Variants in LARGE1 observed in about 807,000 individuals in gnomAD.
The protein encoded by LARGE1 is LARGE xylosyl- and glucuronyltransferase 1.
A neutral mutation model predicts 87.6 loss-of-function variants in LARGE1; 43 were observed. The ratio of observed to expected loss-of-function variants is 0.49; its 90% CI spans 0.38 to 0.63. The LOEUF is 0.63. LARGE1 is among the 30% of genes least tolerant of loss of function. LARGE1 has a pLI of 0.00. For missense variants in LARGE1, 802 were observed against 1,000.2 expected (o/e 0.80, Z 2.67); for synonymous variants, 434 against 394.6 (o/e 1.10, Z -1.18).
intron 1 of LARGE1, among the ~76,000 whole-genome samples, chr22:33,829,143 G>A (rs922713765): frequency 2.0e-5 from 3 of 151,186 alleles, no homozygotes; most frequent in Admixed American, 2.0e-4. Flanking sequence ...CTAGTAGCTG[G>A]GATTACAGGC....
At chr22:33,081,205 T>G in the LARGE1 span, among the ~76,000 whole-genome samples, 2 of 152,238 alleles carry the variant, frequency 1.3e-5, no homozygotes. Flanking sequence ...GCTGGCACCT[T>G]GATCTTGGAC....
At chr22:33,285,363 C>T (rs1448018656) in intron 12 of LARGE1, among the ~76,000 whole-genome samples, 1 of 152,184 alleles carries the variant, frequency 6.6e-6, no homozygotes, top group Admixed American at 6.5e-5. Context: ...TGGTGGCTCA[C>T]GCCTGTAATC....
At chr22:33,840,565 T>G (rs1189512388) in intron 1 of LARGE1, among the ~76,000 whole-genome samples, 2 of 152,198 alleles carry the variant, frequency 1.3e-5, no homozygotes, top group Non-Finnish European at 2.9e-5. Flanking sequence ...ATTTTACCAC[T>G]TTTAAAGTAC....
rs1928499220 is a variant in LARGE1, at chr22:33,273,270, G to A, written c.*1157C>T. The A allele has an allele frequency of 2.5e-6, 1 of 397,910 alleles. No individual in the cohort carries two copies. Among genetic ancestry groups the A allele is most frequent in the South Asian group, 1.4e-4 (1 of 7,026 alleles). 24.6% of individuals were successfully genotyped at this position (397,910 alleles called of 1,614,324 possible). ...CTCCTCAATCTGTGTGAAGGTGAAG[G>A]TGGTTGCCTACCCTTGGACAGGTCC... On this transcript the variant is annotated 3_prime_UTR_variant, in exon 15 of 15. Coordinates refer to ENST00000397394, the MANE Select transcript of LARGE1 (RefSeq NM_133642.5).
intron 11 of LARGE1, among the ~76,000 whole-genome samples, chr22:33,224,896 T>G (rs1925654965): frequency 6.6e-6 from 1 of 152,218 alleles, no homozygotes; most frequent in African/African-American, 2.4e-5. Context: ...TCAAAGTCAT[T>G]TGTTTGGAGG....
the LARGE1 span, among the ~76,000 whole-genome samples, chr22:33,104,416 T>C: frequency 9.2e-5 from 14 of 152,270 alleles, no homozygotes; most frequent in Admixed American, 3.3e-4. Context: ...GCTGCACTGA[T>C]GGTAAATGCT....
At chr22:33,688,302 T>C (rs1440428848) in intron 2 of LARGE1, among the ~76,000 whole-genome samples, 2 of 152,204 alleles carry the variant, frequency 1.3e-5, no homozygotes, top group Non-Finnish European at 2.9e-5. Flanking sequence ...TGTTCATCAT[T>C]ACTTTAAGCT....
intron 1 of LARGE1, among the ~76,000 whole-genome samples, chr22:33,911,171 A>C (rs987576383): frequency 1.4e-4 from 21 of 152,216 alleles, no homozygotes; most frequent in Non-Finnish European, 2.6e-4. Context: ...CATGCTGCAG[A>C]GAAGGGAGAG....
intron 1 of LARGE1, among the ~76,000 whole-genome samples, chr22:33,904,964 G>C (rs529362792): frequency 2.5e-4 from 38 of 151,490 alleles, no homozygotes; most frequent in African/African-American, 9.0e-4. Context: ...AGGTGTATAA[G>C]GGTCTATGGC....
At chr22:33,348,716 GTT>G (rs550978060) in intron 9 of LARGE1, among the ~76,000 whole-genome samples, 1 of 143,002 alleles carries the variant, frequency 7.0e-6, no homozygotes, top group Non-Finnish European at 1.5e-5. Flanking sequence ...TTTGCTTTTT[GTT>G]TTTTTTTTTG....
At chr22:33,112,120 GC>G in the LARGE1 span, among the ~76,000 whole-genome samples, 1 of 152,234 alleles carries the variant, frequency 6.6e-6, no homozygotes, top group Non-Finnish European at 1.5e-5. Context: ...ACTTTACTGT[GC>G]CTGTGTAGAG....
chr22:33,717,614 G>T (rs2082951505), intron 2 of LARGE1, among the ~76,000 whole-genome samples: 1 of 152,184 alleles, frequency 6.6e-6, no homozygotes, highest in African/African-American at 2.4e-5. Flanking sequence ...AGGGCTTGAA[G>T]CCACAAGTTA....
At chr22:33,088,749 G>A in the LARGE1 span, among the ~76,000 whole-genome samples, 1 of 152,110 alleles carries the variant, frequency 6.6e-6, no homozygotes, top group African/African-American at 2.4e-5. Context: ...AAGAGCCTAG[G>A]GTTTTGAATC....
intron 2 of LARGE1, among the ~76,000 whole-genome samples, chr22:33,687,332 C>G (rs1339202708): frequency 1.3e-5 from 2 of 151,518 alleles, no homozygotes; most frequent in African/African-American, 4.8e-5. Context: ...CTCTGACCTT[C>G]TAAAATCCTA....
rs945956155 is a variant in LARGE1, at chr22:33,300,645, G to A, written c.1730+3584C>T. Among the ~76,000 whole-genome samples the A allele has an allele frequency of 3.9e-5, 6 of 152,082 alleles. No homozygotes were observed. The East Asian group carries it at 1.2e-3, about 29-fold the overall frequency. ...AACCTCTGCCTTCCGGGGTTCAAGC[G>A]ATTCCCCTGCCTCAGCCTCCCTAGT... On this transcript the variant is annotated intron_variant, in intron 12 of 14. Transcript: ENST00000397394.
chr22:33,878,997 T>C (rs972317544), intron 1 of LARGE1, among the ~76,000 whole-genome samples: 2 of 151,540 alleles, frequency 1.3e-5, no homozygotes, highest in Non-Finnish European at 2.9e-5. Context: ...TTTTTTTTTT[T>C]AGATGGAGTT....
In LARGE1 at chr22:33,841,645, T is replaced by C. The variant is rs372917647; in HGVS notation, c.-83+78350A>G. On this transcript the variant is annotated intron_variant, in intron 1 of 14. Coordinates refer to ENST00000397394, the MANE Select transcript of LARGE1 (RefSeq NM_133642.5). Reference sequence around the variant, plus strand: ...GGTCATGAAACCACCTCTAAGCCAATTACTATAAGCCAGTATTAGGAATAA... The same window carrying C: ...GGTCATGAAACCACCTCTAAGCCAACTACTATAAGCCAGTATTAGGAATAA... 2.0e-5 allele frequency among the ~76,000 whole-genome samples: 3 copies of C among 152,302 alleles called. No individual in the cohort carries two copies. The South Asian group carries it at 6.2e-4, about 32-fold the overall frequency.
chr22:33,902,435 G>A (rs371558498), intron 1 of LARGE1, among the ~76,000 whole-genome samples: 5 of 152,166 alleles, frequency 3.3e-5, no homozygotes, highest in African/African-American at 1.2e-4. Flanking sequence ...TCAATTGCAA[G>A]GACAATGCTA....
At chr22:33,390,104 C>T (rs936693916) in intron 7 of LARGE1, among the ~76,000 whole-genome samples, 2 of 152,202 alleles carry the variant, frequency 1.3e-5, no homozygotes, top group African/African-American at 4.8e-5. Context: ...ACAACCGCAA[C>T]CTCTGCCTCT....
Sources: allele counts gnomAD v4.1 joint callset (sites outside exome capture counted in the v4.1 genomes callset), GRCh38; gene constraint gnomAD v4.1.1; transcripts MANE v1.5; gene names NCBI Gene and HGNC (gene_info 2026-07-23, HGNC 2026-07-21).